The following KCNAB2 variants were observed in gnomAD, a reference collection of about 807,000 sequenced individuals.
The protein encoded by KCNAB2 is voltage-gated potassium channel subunit beta-2.
A neutral mutation model predicts 63.6 loss-of-function variants in KCNAB2; 29 were observed. The ratio of observed to expected loss-of-function variants is 0.46; its 90% CI spans 0.34 to 0.62. The LOEUF is 0.62. Ranked by LOEUF, KCNAB2 falls within the 20% of genes least tolerant of loss-of-function variation. The pLI is 0.01. For missense variants in KCNAB2, 359 were observed against 563.9 expected (o/e 0.64, Z 3.68); for synonymous variants, 222 against 224.2 (o/e 0.99, Z 0.09).
intron 2 of KCNAB2, among the ~76,000 whole-genome samples, chr1:6,061,812 G>A (rs889159868): frequency 9.9e-5 from 15 of 152,168 alleles, no homozygotes; most frequent in South Asian, 2.1e-4. Context: ...TGTAGGTGAC[G>A]TTGTTAAATT....
rs528380004 is a variant in KCNAB2, at chr1:6,087,275, A to C, written c.426-192A>C. On this transcript the variant is annotated intron_variant, in intron 6 of 15. Transcript: ENST00000378083. This position sits in a 1 kb window ranked among gnomAD's most constrained non-coding sequence, Gnocchi z 6.4. ...GCCTCGGTGGCTGCCTCCTGGCTCC[A>C]TGAGGAGCCCACGCACCCCGGCTGG... Among the ~76,000 whole-genome samples, 518 of 152,254 alleles carry C rather than the reference A, an allele frequency of 3.4e-3. 2 individuals carry two copies. The highest frequency in any genetic ancestry group is 0.012 in the African/African-American group (498 of 41,546).
At chr1:5,999,017 G>A (rs961178949) in intron 1 of KCNAB2, among the ~76,000 whole-genome samples, 14 of 152,366 alleles carry the variant, frequency 9.2e-5, no homozygotes, top group African/African-American at 2.2e-4. Flanking sequence ...AGACGAAGCC[G>A]CTTTGCTGCT....
At chr1:6,050,729 A>T (rs2010057) in intron 1 of KCNAB2, among the ~76,000 whole-genome samples, 39,124 of 152,020 alleles carry the variant, frequency 0.26, 5,780 homozygotes, top group African/African-American at 0.41. Flanking sequence ...TTTCAGCTAT[A>T]TTTCAGTGGT....
intron 2 of KCNAB2, among the ~76,000 whole-genome samples, chr1:6,065,151 C>G (rs1158911106): frequency 6.6e-6 from 1 of 152,234 alleles, no homozygotes; most frequent in Non-Finnish European, 1.5e-5. Flanking sequence ...GCTGGGCATG[C>G]GCCAGGGAGG....
intron 1 of KCNAB2, among the ~76,000 whole-genome samples, chr1:6,051,205 T>A (rs1661353184): frequency 6.6e-6 from 1 of 152,234 alleles, no homozygotes. Flanking sequence ...CCGTTTTCAT[T>A]TGGACACTTG....
intron 1 of KCNAB2, among the ~76,000 whole-genome samples, chr1:6,007,240 C>T (rs1445677949): frequency 6.6e-6 from 1 of 152,204 alleles, no homozygotes; most frequent in Non-Finnish European, 1.5e-5. Context: ...TTGTGCCAGG[C>T]TCCAGAGAGG....
chr1:6,041,569 C>T, upstream of KCNAB2: 1 of 520,140 alleles, frequency 1.9e-6, no homozygotes, highest in Non-Finnish European at 3.5e-6. Context: ...GAAAACAGGG[C>T]CTGGCATGGA....
At chr1:6,041,299 C>T (rs901122740), upstream of KCNAB2, 1 of 167,292 alleles carries the variant, frequency 6.0e-6, no homozygotes, top group Non-Finnish European at 1.3e-5. Context: ...GGCAGTACCC[C>T]AGCAGCCCAT....
chr1:6,032,344 G>C (rs903783029), upstream of KCNAB2, among the ~76,000 whole-genome samples: 3 of 152,132 alleles, frequency 2.0e-5, no homozygotes, highest in African/African-American at 7.2e-5. Flanking sequence ...ACTTTGGGAG[G>C]CCAAGGCAGG....
rs1179910573 is a variant in KCNAB2 at position 6,094,475 on chromosome 1, T to C, written c.722T>C (p.Met241Thr). The stretch of plus-strand genomic sequence containing the variant: ...TGGGGCACGTCACGCTGGAGCTCCA[T>C]GGAGATCATGGTACGGTGGCCGCGC... ...MYWGTSRWSS[M>T]EIMEAYSVAR... The change falls in exon 11 of 16, where the codon ATG (methionine) becomes ACG (threonine). Residue 241 changes from methionine to threonine, a missense_variant. Transcript: ENST00000378083. 1 of 1,609,054 alleles carries C rather than the reference T, an allele frequency of 6.2e-7. No individual in the cohort carries two copies. Among genetic ancestry groups the C allele is most frequent in the Non-Finnish European group, 8.5e-7 (1 of 1,177,878 alleles).
At position 6,086,270 on chromosome 1, in the gene KCNAB2, A is replaced by G. The variant is rs1347489590; in HGVS notation, c.425+1022A>G. 1 of 977,216 alleles carries G rather than the reference A, an allele frequency of 1.0e-6. No homozygotes were observed. The highest frequency in any genetic ancestry group is 1.2e-6 in the Non-Finnish European group (1 of 826,870). The allele number at this position is 977,216 out of a possible 1,614,324, so 60.5% of individuals were successfully genotyped here. A position where few individuals can be genotyped will look rare whatever the true frequency, so the allele number is the denominator to read the frequency against. On this transcript the variant is annotated intron_variant, in intron 6 of 15. Transcript: ENST00000378083. This position sits in a 1 kb window ranked among gnomAD's most constrained non-coding sequence, Gnocchi z 4.2. ...GCCCCCTCCCCCATGGATTCCTGACACCCCTTCCTCTTGTCCCATCAAATT... is the reference window on the plus strand; with the variant it reads ...GCCCCCTCCCCCATGGATTCCTGACGCCCCTTCCTCTTGTCCCATCAAATT...
chr1:6,014,633 T>C (rs1436828989), intron 1 of KCNAB2, among the ~76,000 whole-genome samples: 1 of 152,152 alleles, frequency 6.6e-6, no homozygotes, highest in Admixed American at 6.5e-5. Flanking sequence ...CGAGGATGCC[T>C]TGATGGTGTT....
intron 2 of KCNAB2, among the ~76,000 whole-genome samples, chr1:6,062,239 G>A (rs1233095685): frequency 2.6e-5 from 4 of 151,936 alleles, no homozygotes; most frequent in African/African-American, 4.8e-5. Flanking sequence ...ACTTGAACCC[G>A]GGAGGTGGAG....
At chr1:6,090,616 G>A (rs1665110512) in intron 9 of KCNAB2, 141 bp downstream of exon 9, 4 of 643,652 alleles carry the variant, frequency 6.2e-6, no homozygotes, top group Admixed American at 2.7e-5. Context: ...AGGGTGGGGG[G>A]CGAGGGGGCA....
At chr1:6,005,070 GACA>G in intron 1 of KCNAB2, among the ~76,000 whole-genome samples, 1 of 26,534 alleles carries the variant, frequency 3.8e-5, no homozygotes, top group Non-Finnish European at 1.0e-4. Flanking sequence ...TAGAGTGGGG[GACA>G]TGGAAGCTGA....
intron 8 of KCNAB2, among the ~76,000 whole-genome samples, 197 bp downstream of exon 8, chr1:6,089,248 C>T (rs554172387): frequency 1.0e-3 from 156 of 152,348 alleles, no homozygotes; most frequent in African/African-American, 3.6e-3. Context: ...GAGGGCAGCC[C>T]GGTGGCTGAG....
In KCNAB2 at chr1:6,096,327, A is replaced by C. The variant is rs1665636485; in HGVS notation, c.949-309A>C. 1 of 443,796 alleles carries C rather than the reference A, an allele frequency of 2.3e-6. No homozygotes were observed. Among genetic ancestry groups the C allele is most frequent in the South Asian group, 2.1e-5 (1 of 48,484 alleles). The allele number at this position is 443,796 out of a possible 1,614,324, so 27.5% of individuals were successfully genotyped here. On this transcript the variant is annotated intron_variant, in intron 13 of 15. Coordinates refer to ENST00000378083, the MANE Select transcript of KCNAB2 (RefSeq NM_001199862.2). The surrounding 1 kb of genome is among the most constrained non-coding windows in gnomAD (Gnocchi z 5.9). ...GTGGCAGCCGAGACCCCAGGCTGCC[A>C]AGTTTCCTAAGAGAAGGAAGGCCAG...
chr1:6,048,475 C>T (rs1389376571), intron 1 of KCNAB2, among the ~76,000 whole-genome samples: 6 of 152,332 alleles, frequency 3.9e-5, no homozygotes, highest in East Asian at 1.9e-4. Context: ...CTGCCTGGGC[C>T]ACACCATGAG....
At chr1:6,060,173 A>G (rs1320335268) in intron 2 of KCNAB2, among the ~76,000 whole-genome samples, 1 of 152,174 alleles carries the variant, frequency 6.6e-6, no homozygotes, top group Non-Finnish European at 1.5e-5. Context: ...TCTCAGGAGA[A>G]GGACACTCCT....
Sources: gnomAD v4.1 joint callset for allele counts (sites outside exome capture counted in the v4.1 genomes callset) on GRCh38, gnomAD v4.1.1 for gene constraint, Gnocchi (gnomAD v3.1) non-coding constraint, MANE v1.5 for transcripts, NCBI Gene and HGNC (gene_info 2026-07-23, HGNC 2026-07-21) for gene names.